The following ASPSCR1 variants were observed in gnomAD, a reference collection of about 807,000 sequenced individuals.
The protein encoded by ASPSCR1 is tether containing UBX domain for GLUT4.
ASPSCR1 carries 55 observed loss-of-function variants against 68.9 expected under a neutral mutation model. The ratio of observed to expected loss-of-function variants is 0.80; its 90% CI spans 0.64 to 1.00. The LOEUF (loss-of-function observed/expected upper bound fraction) is 1.00. Ranked by LOEUF, ASPSCR1 falls within the 50% of genes least tolerant of loss-of-function variation. ASPSCR1 has a pLI of 0.00. For synonymous variants in ASPSCR1, 352 were observed against 332.6 expected, an observed-to-expected ratio of 1.06 and a Z score of -0.63; for missense variants, 765 against 762.2, an observed-to-expected ratio of 1.00 and a Z score of -0.04.
chr17:81,996,453 G>A lies in ASPSCR1; in HGVS notation c.540G>A (p.Lys180=). 6.2e-7 allele frequency: 1 copy of A among 1,604,244 alleles called. No homozygotes were observed. The highest frequency in any genetic ancestry group is 8.5e-7 in the Non-Finnish European group (1 of 1,173,988). Residue 180 remains lysine, a synonymous_variant, in exon 7 of 16, where the codon AAG becomes AAA. Transcript: ENST00000306739. ...FVMKCYDPVG[K]TPGSLGSSAS... ...TGAAGTGCTACGACCCCGTGGGCAA[G>A]ACCCCAGGAAGCCTGGGCTCGTCAG...
At chr17:81,988,029 G>A (rs1336462696) in intron 4 of ASPSCR1, among the ~76,000 whole-genome samples, 1 of 148,924 alleles carries the variant, frequency 6.7e-6, no homozygotes, top group Non-Finnish European at 1.5e-5. Context: ...GTGGTGGTGG[G>A]TTCCTGTAGT....
intron 1 of ASPSCR1, chr17:81,978,419 G>C (rs1044847304): frequency 6.6e-6 from 1 of 152,098 alleles, no homozygotes; most frequent in African/African-American, 2.4e-5. Context: ...CCAGCTACTC[G>C]GGAGGCTGAG....
intron 7 of ASPSCR1, among the ~76,000 whole-genome samples, chr17:82,002,129 C>A (rs2042556084): frequency 6.7e-6 from 1 of 148,262 alleles, no homozygotes; most frequent in Admixed American, 6.7e-5. Context: ...GCTGGGACTG[C>A]AGGTGTGAGC....
intron 2 of ASPSCR1, among the ~76,000 whole-genome samples, chr17:81,980,777 C>T (rs962607132): frequency 6.6e-6 from 1 of 152,138 alleles, no homozygotes; most frequent in African/African-American, 2.4e-5. Context: ...GAGAACTGTG[C>T]ACACAGTTGA....
In ASPSCR1 at chr17:81,997,484, T is replaced by TG. The variant is rs201700837; in HGVS notation, c.933+641dup. Reference sequence around the variant, plus strand: ...CTCAGGCAAATGATTTTTTTTTTTCTGGGTTTTTTTTTTTTTTTTTTTGAG... The same window carrying TG: ...CTCAGGCAAATGATTTTTTTTTTTCTGGGGTTTTTTTTTTTTTTTTTTTGAG... On this transcript the variant is annotated intron_variant, in intron 7 of 15. Coordinates refer to ENST00000306739, the MANE Select transcript of ASPSCR1 (RefSeq NM_024083.4). 1.2e-3 allele frequency among the ~76,000 whole-genome samples: 174 copies of TG among 145,288 alleles called. 3 individuals are homozygous for TG. In the East Asian group the frequency reaches 0.014, roughly 12 times the overall value.
intron 11 of ASPSCR1, 43 bp downstream of exon 11, chr17:82,011,648 G>C: frequency 6.3e-7 from 1 of 1,592,628 alleles, no homozygotes. Context: ...CCAGTGCTCG[G>C]GGCCTTGGTG....
intron 12 of ASPSCR1, among the ~76,000 whole-genome samples, 185 bp downstream of exon 12, chr17:82,012,468 C>T (rs1017555718): frequency 5.9e-5 from 9 of 152,170 alleles, no homozygotes; most frequent in Admixed American, 2.0e-4. Context: ...CACGGCTTTC[C>T]GGCCTCCTCT....
At chr17:81,979,110 T>C (rs55671960) in intron 1 of ASPSCR1, 74 bp from the exon 2 acceptor site, 359,148 of 1,529,012 alleles carry the variant, frequency 0.23, 46,858 homozygotes, top group Non-Finnish European at 0.27. Context: ...CTGAATGCCC[T>C]TGGCTGACCT....
rs748837492 is a variant in ASPSCR1, at chr17:81,995,967, C to T, written c.433-25C>T. 7 of 1,604,032 alleles carry T rather than the reference C, an allele frequency of 4.4e-6. No individual in the cohort carries two copies. The African/African-American group carries it at 5.3e-5, about 12-fold the overall frequency. On this transcript the variant is annotated intron_variant, in intron 5 of 15. Coordinates refer to ENST00000306739, the MANE Select transcript of ASPSCR1 (RefSeq NM_024083.4). ...CTCTGGGGTCCCGGTGCAAGGCGCA[C>T]CTGTCCTGGCTGCTCCTCCTGCAGG... is the stretch of plus-strand genomic sequence containing the variant.
chr17:81,996,567 G>A lies in ASPSCR1; in HGVS notation c.654G>A (p.Ala218=), dbSNP rs1289254212. Reference sequence around the variant, plus strand: ...GCGACTTGAGCCGTCCGGAGGACGCGGACACCTCAGGGCCCTGCTGCGAGC... The same window carrying A: ...GCGACTTGAGCCGTCCGGAGGACGCAGACACCTCAGGGCCCTGCTGCGAGC... ...SRGDLSRPED[A]DTSGPCCEHT... Residue 218 remains alanine, a synonymous_variant, in exon 7 of 16, where the codon GCG becomes GCA. Coordinates refer to ENST00000306739, the MANE Select transcript of ASPSCR1 (RefSeq NM_024083.4). 7.4e-6 allele frequency: 12 copies of A among 1,612,828 alleles called. No homozygotes were observed. The highest frequency in any genetic ancestry group is 3.3e-5 in the Admixed American group (2 of 59,956).
chr17:82,004,088 C>T (rs1022528157), intron 7 of ASPSCR1, among the ~76,000 whole-genome samples: 4 of 152,228 alleles, frequency 2.6e-5, no homozygotes, highest in African/African-American at 9.6e-5. Context: ...CTCTGTGTGT[C>T]ATCACATCCT....
intron 11 of ASPSCR1, 141 bp downstream of exon 11, chr17:82,011,746 G>A (rs1486539629): frequency 4.4e-6 from 4 of 908,440 alleles, no homozygotes; most frequent in Non-Finnish European, 3.4e-6. Context: ...GGTGCCTCCT[G>A]CAGCCCATGG....
chr17:82,014,875 C>T, intron 12 of ASPSCR1: 1 of 681,884 alleles, frequency 1.5e-6, no homozygotes, highest in Non-Finnish European at 2.4e-6. Flanking sequence ...GAGGGGCCGG[C>T]TCCAGGCCCT....
At chr17:81,997,538 C>T (rs886565076) in intron 7 of ASPSCR1, among the ~76,000 whole-genome samples, 3 of 138,112 alleles carry the variant, frequency 2.2e-5, no homozygotes, top group Non-Finnish European at 4.5e-5. Context: ...CCTAGGTGGG[C>T]GTACAGTGGC....
rs1006569822 is a variant in ASPSCR1, at chr17:81,999,850, C to T, written c.933+3004C>T. ...GAGGGCAGAGGCCGGGCGTCTGCACCGTGTTGGATGTGGGGGCTCCCATCT... is the reference window on the plus strand; with the variant it reads ...GAGGGCAGAGGCCGGGCGTCTGCACTGTGTTGGATGTGGGGGCTCCCATCT... On this transcript the variant is annotated intron_variant, in intron 7 of 15. Coordinates refer to ENST00000306739, the MANE Select transcript of ASPSCR1 (RefSeq NM_024083.4). This position sits in a 1 kb window ranked among gnomAD's most constrained non-coding sequence, Gnocchi z 4.4. 1.2e-4 allele frequency among the ~76,000 whole-genome samples: 19 copies of T among 152,186 alleles called. No individual in the cohort carries two copies. The highest frequency in any genetic ancestry group is 2.1e-4 in the South Asian group (1 of 4,836).
chr17:82,017,015 C>G lies in ASPSCR1; in HGVS notation c.1550C>G (p.Ala517Gly). 6.2e-7 allele frequency: 1 copy of G among 1,612,586 alleles called. No homozygotes were observed. The part of the protein sequence containing the change: ...PDPAPKSEPA[A>G]EEGALVPPEP... ...CCTGCACCTAAGTCTGAGCCAGCTG[C>G]TGAGGAGGGGGCGCTGGTCCCCCCT... is the stretch of plus-strand genomic sequence containing the variant. Residue 517 changes from alanine to glycine, a missense_variant, in exon 15 of 16, where the codon GCT (alanine) becomes GGT (glycine). Coordinates refer to ENST00000306739, the MANE Select transcript of ASPSCR1 (RefSeq NM_024083.4).
At chr17:82,016,088 C>T in intron 12 of ASPSCR1, 1 of 217,998 alleles carries the variant, frequency 4.6e-6, no homozygotes. Context: ...GAGGGGGATA[C>T]CCCAGCCTGG....
At chr17:81,985,951 C>A (rs2041981069) in intron 4 of ASPSCR1, among the ~76,000 whole-genome samples, 1 of 152,060 alleles carries the variant, frequency 6.6e-6, no homozygotes, top group Admixed American at 6.6e-5. Flanking sequence ...GCTTGATTCC[C>A]CTGGATGGGA....
At position 81,977,900 on chromosome 17, in the gene ASPSCR1, G is replaced by C; in HGVS notation, c.102+152G>C. On this transcript the variant is annotated intron_variant, in intron 1 of 15. Transcript: ENST00000306739. This position sits in a 1 kb window ranked among gnomAD's most constrained non-coding sequence, Gnocchi z 5.0. ...GCGGCGGCCCCGCCCCCTGCTCGCC[G>C]TCACCTGCGCTTCCGCTGGGGTCCC... The C allele has an allele frequency of 2.1e-6, 1 of 484,098 alleles. No individual in the cohort carries two copies. Among genetic ancestry groups the C allele is most frequent in the Non-Finnish European group, 3.1e-6 (1 of 323,970 alleles). 30.0% of individuals were successfully genotyped at this position (484,098 alleles called of 1,614,324 possible).
Sources: allele counts gnomAD v4.1 joint callset (sites outside exome capture counted in the v4.1 genomes callset), GRCh38; gene constraint gnomAD v4.1.1; non-coding constraint Gnocchi (gnomAD v3.1); transcripts MANE v1.5; gene names NCBI Gene and HGNC (gene_info 2026-07-23, HGNC 2026-07-21).